The following ARHGAP40 variants were observed in gnomAD, a reference collection of about 807,000 sequenced individuals.
ARHGAP40 encodes Rho GTPase activating protein 40.
A neutral mutation model predicts 73.5 loss-of-function variants in ARHGAP40; 43 were observed. The observed-to-expected ratio is 0.58, with a 90% CI of 0.46 to 0.75. The LOEUF (loss-of-function observed/expected upper bound fraction) is 0.75, where lower values mean the gene tolerates loss of function less well. Among genes scored for constraint, ARHGAP40 ranks in the 30% least tolerant of loss-of-function variants. The pLI is 0.00. For synonymous variants in ARHGAP40, 300 were observed against 352.8 expected (o/e 0.85, Z 1.68); for missense variants, 734 against 861.8 (o/e 0.85, Z 1.86).
intron 11 of ARHGAP40, 150 bp downstream of exon 11, chr20:38,644,060 C>A: frequency 1.7e-6 from 1 of 580,482 alleles, no homozygotes; most frequent in South Asian, 2.6e-5. Flanking sequence ...TTTTCTTCCT[C>A]CCCCTGCCTT....
chr20:38,603,215 A>G (rs1390426261), intron 1 of ARHGAP40, among the ~76,000 whole-genome samples: 1 of 152,226 alleles, frequency 6.6e-6, no homozygotes, highest in African/African-American at 2.4e-5. Context: ...ACTGAGTCCT[A>G]GAATTCCCTT....
chr20:38,607,702 A>G (rs1023325934), intron 1 of ARHGAP40, among the ~76,000 whole-genome samples: 3 of 152,170 alleles, frequency 2.0e-5, no homozygotes, highest in Non-Finnish European at 4.4e-5. Context: ...TCCCAAATTG[A>G]CCAGCAGATG....
chr20:38,634,626 A>G (rs1259409409), exon 6 of ARHGAP40: 1 of 1,305,418 alleles, frequency 7.7e-7, no homozygotes, highest in African/African-American at 1.5e-5. Context: ...ATAGAAGTTT[A>G]CCGTCCCCAA....
intron 9 of ARHGAP40, among the ~76,000 whole-genome samples, chr20:38,640,164 TTTC>T (rs1293228800): frequency 0.24 from 19,759 of 82,912 alleles, 2,702 homozygotes; most frequent in Non-Finnish European, 0.29. Context: ...TTCTTTCTTC[TTTC>T]TTCTTCTTTC....
intron 1 of ARHGAP40, among the ~76,000 whole-genome samples, chr20:38,605,605 A>T (rs2088766729): frequency 6.6e-6 from 1 of 152,158 alleles, no homozygotes; most frequent in African/African-American, 2.4e-5. Flanking sequence ...TTAATTCATG[A>T]TTGGTATAAA....
chr20:38,635,791 G>A (rs746387326), intron 6 of ARHGAP40, among the ~76,000 whole-genome samples: 1 of 152,084 alleles, frequency 6.6e-6, no homozygotes. Flanking sequence ...TCCAGTTATT[G>A]TATCATTTAG....
At chr20:38,615,021 A>G (rs2088826596) in intron 1 of ARHGAP40, 2 of 1,159,382 alleles carry the variant, frequency 1.7e-6, no homozygotes, top group East Asian at 4.7e-5. Context: ...GATCTCCATC[A>G]AGGTCAAGTT....
intron 3 of ARHGAP40, among the ~76,000 whole-genome samples, chr20:38,627,630 T>TG (rs2088909967): frequency 7.8e-6 from 1 of 127,936 alleles, no homozygotes; most frequent in Admixed American, 7.9e-5. Flanking sequence ...TGTGTGTGTG[T>TG]TGGGGTGTGT....
At chr20:38,619,215 G>T (rs140095733) in intron 1 of ARHGAP40, among the ~76,000 whole-genome samples, 1 of 152,134 alleles carries the variant, frequency 6.6e-6, no homozygotes, top group Non-Finnish European at 1.5e-5. Flanking sequence ...CAATGCCTTC[G>T]TAAGGCATTT....
At chr20:38,645,932 C>A in intron 11 of ARHGAP40, 115 bp from the exon 12 acceptor site, 1 of 1,018,338 alleles carries the variant, frequency 9.8e-7, no homozygotes, top group Non-Finnish European at 1.3e-6. Context: ...ATGCATATTT[C>A]CAAGCCCTGT....
intron 6 of ARHGAP40, among the ~76,000 whole-genome samples, chr20:38,635,048 AT>A (rs2088965658): frequency 6.6e-6 from 1 of 151,766 alleles, no homozygotes; most frequent in African/African-American, 2.4e-5. Flanking sequence ...TGCCCAGCTA[AT>A]TTTTGTATTT....
At position 38,623,340 on chromosome 20, in the gene ARHGAP40, C is replaced by T. The variant is rs1568606622; in HGVS notation, c.138-19C>T. 7.8e-7 allele frequency: 1 copy of T among 1,277,976 alleles called. No individual in the cohort carries two copies. The highest frequency in any genetic ancestry group is 5.6e-5 in the East Asian group (1 of 17,878). 79.2% of individuals were successfully genotyped at this position (1,277,976 alleles called of 1,614,324 possible). On this transcript the variant is annotated intron_variant, in intron 1 of 14. Transcript: ENST00000373345. ...GCAGAGACTTGCTGACCTCCCTGCA[C>T]CTTCCCCACTTGCTACAGCTCTGGC...
At chr20:38,610,291 G>A (rs988164535) in intron 1 of ARHGAP40, among the ~76,000 whole-genome samples, 1 of 151,974 alleles carries the variant, frequency 6.6e-6, no homozygotes, top group Admixed American at 6.5e-5. Flanking sequence ...TATAGACCAG[G>A]AGTTGTAAAC....
At position 38,615,201 on chromosome 20, in the gene ARHGAP40, A is replaced by G. The variant is rs2145596938; in HGVS notation, c.138-8158A>G. 7 of 789,264 alleles carry G rather than the reference A, an allele frequency of 8.9e-6. No homozygotes were observed. In the South Asian group the frequency reaches 9.4e-5, roughly 11 times the overall value. The allele number at this position is 789,264 out of a possible 1,614,324, so 48.9% of individuals were successfully genotyped here. On this transcript the variant is annotated intron_variant, in intron 1 of 14. Transcript: ENST00000373345. Reference sequence around the variant, plus strand: ...GAGCTTGGTAAGTTCCATGTAGTAAAGGCTGGTGGGCATTGAGGTAAAAAA... The same window carrying G: ...GAGCTTGGTAAGTTCCATGTAGTAAGGGCTGGTGGGCATTGAGGTAAAAAA...
chr20:38,637,391 C>A (rs111635864), intron 6 of ARHGAP40, among the ~76,000 whole-genome samples: 1 of 152,072 alleles, frequency 6.6e-6, no homozygotes, highest in Non-Finnish European at 1.5e-5. Flanking sequence ...TCAGGTGATC[C>A]GCCTGTCTCA....
At chr20:38,628,995 T>G (rs1318494430) in exon 4 of ARHGAP40, 33 of 1,304,778 alleles carry the variant, frequency 2.5e-5, no homozygotes, top group South Asian at 3.7e-5. Flanking sequence ...CCTCTAAGTT[T>G]CCTCCAGGTA....
At chr20:38,642,037 T>G (rs2089022062) in intron 10 of ARHGAP40, among the ~76,000 whole-genome samples, 2 of 152,116 alleles carry the variant, frequency 1.3e-5, no homozygotes, top group South Asian at 4.1e-4. Flanking sequence ...TTCCACGTGG[T>G]GCTAACAGGT....
chr20:38,627,215 G>C (rs562160307), exon 3 of ARHGAP40: 1 of 1,305,238 alleles, frequency 7.7e-7, no homozygotes, highest in Non-Finnish European at 1.0e-6. Context: ...TCAATTCAGG[G>C]GTAAGTGGCA....
intron 1 of ARHGAP40, among the ~76,000 whole-genome samples, chr20:38,608,013 T>C (rs1017116779): frequency 6.6e-6 from 1 of 152,162 alleles, no homozygotes; most frequent in African/African-American, 2.4e-5. Context: ...GTTGCAGATA[T>C]TTCCTCTCAG....
Sources: gnomAD v4.1 joint callset for allele counts (sites outside exome capture counted in the v4.1 genomes callset) on GRCh38, gnomAD v4.1.1 for gene constraint, MANE v1.5 for transcripts, NCBI Gene and HGNC (gene_info 2026-07-23, HGNC 2026-07-21) for gene names.